ATP5PO: variants seen among roughly 807,000 people sequenced by gnomAD.
The protein encoded by ATP5PO is ATP synthase peripheral stalk subunit OSCP.
In ATP5PO, 14 loss-of-function variants were observed where a neutral mutation model predicts 26.2. That is an observed-to-expected ratio of 0.53 (90% CI 0.35 to 0.83). The LOEUF is 0.83. Among genes scored for constraint, ATP5PO ranks in the 40% least tolerant of loss-of-function variants. The pLI is 0.01. For synonymous variants in ATP5PO, 106 were observed against 95.1 expected, an observed-to-expected ratio of 1.12 and a Z score of -0.67; for missense variants, 241 against 258.5, an observed-to-expected ratio of 0.93 and a Z score of 0.46.
intron 5 of ATP5PO, among the ~76,000 whole-genome samples, chr21:33,904,379 A>G (rs1299835600): frequency 1.3e-5 from 2 of 151,932 alleles, no homozygotes; most frequent in African/African-American, 4.9e-5. Flanking sequence ...TCAATGCAGG[A>G]GGACACAGGC....
chr21:33,906,266 A>C (rs1987171391), intron 5 of ATP5PO, among the ~76,000 whole-genome samples: 1 of 152,198 alleles, frequency 6.6e-6, no homozygotes, highest in Non-Finnish European at 1.5e-5. Flanking sequence ...ATTCCAAGTC[A>C]ATCTACCACA....
Position 33,903,657 on chromosome 21 carries a change from C to A in ATP5PO, c.529-18G>T, listed in dbSNP as rs1303121739. The A allele has an allele frequency of 1.2e-6, 2 of 1,611,884 alleles. No individual in the cohort carries two copies. The highest frequency in any genetic ancestry group is 1.7e-6 in the Non-Finnish European group (2 of 1,178,260). On this transcript the variant is annotated intron_variant, in intron 6 of 6. Coordinates refer to ENST00000290299, the MANE Select transcript of ATP5PO (RefSeq NM_001697.3). ...GGATCAGTCTACAAAAGAAGTAAGA[C>A]TGGAAATGTGAAAACGCGCTAATCA...
At chr21:33,904,930 G>A (rs914035715) in intron 5 of ATP5PO, among the ~76,000 whole-genome samples, 52 of 152,140 alleles carry the variant, frequency 3.4e-4, no homozygotes, top group African/African-American at 1.2e-3. Context: ...TAGTAGAGAC[G>A]GGGTTTCACC....
chr21:33,903,949 T>A lies in ATP5PO; in HGVS notation c.514A>T (p.Lys172Ter), dbSNP rs202087647. Residue 172 changes from lysine (K) to a stop codon, truncating the protein, a stop_gained, in exon 6 of 7, where the codon AAA (lysine) becomes TAA (stop). Coordinates refer to ENST00000290299, the MANE Select transcript of ATP5PO (RefSeq NM_001697.3). LOFTEE classifies it high-confidence loss of function. ...TTAAAACCTACCTTAGCCTCCAATT[T>A]CAATACTTGGCCTTGACTTAGGAAG... The part of the protein sequence containing the change: ...KSFLSQGQVL[K>*]LEAKTDPSIL... 6.2e-7 allele frequency: 1 copy of A among 1,610,950 alleles called. No individual in the cohort carries two copies. The highest frequency in any genetic ancestry group is 2.2e-5 in the East Asian group (1 of 44,862).
At chr21:33,914,745 C>G (rs1462072630) in intron 1 of ATP5PO, 1 of 471,358 alleles carries the variant, frequency 2.1e-6, no homozygotes, top group African/African-American at 2.0e-5. Flanking sequence ...AGGAATGGAC[C>G]GAGGCTAGCA....
chr21:33,906,962 C>G (rs1987181320), intron 5 of ATP5PO: 4 of 344,240 alleles, frequency 1.2e-5, no homozygotes, highest in Non-Finnish European at 2.3e-5. Context: ...GCACTCTAGC[C>G]TGGGTGACAA....
chr21:33,905,136 A>T (rs1225077268), intron 5 of ATP5PO, among the ~76,000 whole-genome samples: 1 of 152,164 alleles, frequency 6.6e-6, no homozygotes, highest in Non-Finnish European at 1.5e-5. Context: ...TGTCTTTGTA[A>T]AGATATAACA....
At chr21:33,907,002 C>G (rs180982316) in intron 5 of ATP5PO, 50 of 345,260 alleles carry the variant, frequency 1.4e-4, no homozygotes, top group African/African-American at 9.8e-4. Flanking sequence ...AAAATAAACT[C>G]TAGAATTCTA....
chr21:33,904,725 T>A (rs1365803829), intron 5 of ATP5PO, among the ~76,000 whole-genome samples: 1 of 152,162 alleles, frequency 6.6e-6, no homozygotes, highest in Admixed American at 6.5e-5. Flanking sequence ...ATGGTGAAAA[T>A]GAAGAAGGCT....
intron 2 of ATP5PO, among the ~76,000 whole-genome samples, chr21:33,913,409 C>T (rs1987273951): frequency 6.6e-6 from 1 of 152,182 alleles, no homozygotes; most frequent in South Asian, 2.1e-4. Flanking sequence ...CCCAGCACAT[C>T]TTAGAAAAGT....
chr21:33,903,838 G>C, intron 6 of ATP5PO, 97 bp downstream of exon 6: 1 of 1,185,188 alleles, frequency 8.4e-7, no homozygotes, highest in African/African-American at 1.6e-5. Context: ...AGAAAAATTA[G>C]TATAGAGTTA....
At chr21:33,914,868 CG>C (rs1303811877) in intron 1 of ATP5PO, 3 of 176,382 alleles carry the variant, frequency 1.7e-5, no homozygotes, top group African/African-American at 7.1e-5. Context: ...TTGCAACAGA[CG>C]TACCCTCCTC....
chr21:33,906,782 G>A (rs1314259365), intron 5 of ATP5PO: 2 of 456,208 alleles, frequency 4.4e-6, no homozygotes, highest in Non-Finnish European at 8.8e-6. Flanking sequence ...GAGCCCAGAA[G>A]TTCGAGACAA....
At chr21:33,907,284 CA>C in intron 5 of ATP5PO, 56 bp downstream of exon 5, 1 of 1,438,394 alleles carries the variant, frequency 7.0e-7, no homozygotes, top group East Asian at 2.3e-5. Flanking sequence ...TTTCTTCCTG[CA>C]AAAGGTGACA....
intron 2 of ATP5PO, 111 bp downstream of exon 2, chr21:33,914,339 C>T (rs1023145822): frequency 1.3e-5 from 14 of 1,056,496 alleles, no homozygotes; most frequent in Admixed American, 2.2e-5. Context: ...CCACAAGTCA[C>T]GCAAAAAGGT....
chr21:33,908,842 A>T (rs974769606), intron 4 of ATP5PO: 1 of 404,108 alleles, frequency 2.5e-6, no homozygotes, highest in Admixed American at 4.0e-5. Context: ...TACTGACTAT[A>T]CAATTAGACA....
At chr21:33,910,312 C>T (rs1192238844) in intron 3 of ATP5PO, among the ~76,000 whole-genome samples, 1 of 152,128 alleles carries the variant, frequency 6.6e-6, no homozygotes, top group African/African-American at 2.4e-5. Context: ...ACTTGAGTGA[C>T]CCCACAGAAA....
chr21:33,912,214 A>T, intron 3 of ATP5PO, 75 bp downstream of exon 3: 1 of 1,284,084 alleles, frequency 7.8e-7, no homozygotes, highest in Non-Finnish European at 1.1e-6. Flanking sequence ...ACACCTCATT[A>T]GGAATGCACA....
At chr21:33,910,746 G>T (rs1462628618) in intron 3 of ATP5PO, among the ~76,000 whole-genome samples, 1 of 152,174 alleles carries the variant, frequency 6.6e-6, no homozygotes, top group Non-Finnish European at 1.5e-5. Flanking sequence ...GGCTCTGAGA[G>T]AATCATAAGA....
Sources: allele counts gnomAD v4.1 joint callset (sites outside exome capture counted in the v4.1 genomes callset), GRCh38; gene constraint gnomAD v4.1.1; transcripts MANE v1.5; gene names NCBI Gene and HGNC (gene_info 2026-07-23, HGNC 2026-07-21).